SLC12A5: variants seen among roughly 807,000 people sequenced by gnomAD.
SLC12A5 encodes solute carrier family 12 member 5, also known as K-Cl cotransporter 2.
A neutral mutation model predicts 124.0 loss-of-function variants in SLC12A5; 18 were observed. The observed-to-expected ratio is 0.15, with a 90% CI of 0.10 to 0.22. The LOEUF is 0.22. Among genes scored for constraint, SLC12A5 ranks in the 10% least tolerant of loss-of-function variants. SLC12A5 has a pLI of 1.00. For synonymous variants in SLC12A5, 589 were observed against 568.0 expected (o/e 1.04, Z -0.53); for missense variants, 867 against 1,478.7 (o/e 0.59, Z 6.78).
chr20:46,048,050 C>T lies in SLC12A5; in HGVS notation c.1977C>T (p.Arg659=). The T allele has an allele frequency of 3.1e-6, 5 of 1,612,734 alleles. No homozygotes were observed. Among genetic ancestry groups the T allele is most frequent in the Non-Finnish European group, 4.2e-6 (5 of 1,179,406 alleles). ...GTGCGGCTCGCTATGCCCTCTTACG[C>T]CTGGAGGAAGGGCCCCCACACACCA... The part of the protein sequence containing the change: ...SLSAARYALL[R]LEEGPPHTKN... Residue 659 remains arginine (R), a synonymous_variant, in exon 16 of 26, where the codon CGC becomes CGT. Coordinates refer to ENST00000243964, the MANE Select transcript of SLC12A5 (RefSeq NM_020708.5).
intron 2 of SLC12A5, 29 bp downstream of exon 2, chr20:46,035,071 C>T (rs983945003): frequency 1.7e-5 from 28 of 1,604,618 alleles, no homozygotes; most frequent in Non-Finnish European, 2.3e-5. Context: ...TGGGCCCCCA[C>T]CTACAATTCA....
Position 46,040,485 on chromosome 20 carries a change from C to T in SLC12A5, c.725C>T (p.Ala242Val), listed in dbSNP as rs2084536085. Reference protein sequence around the residue: ...VYGTCVLTCMATVVFVGVKYV... With the variant: ...VYGTCVLTCMVTVVFVGVKYV... ...GGCACCTGTGTGCTCACCTGCATGG[C>T]CACTGTGGTGTTTGTGGGTGTCAAG... The change falls in exon 7 of 26, where the codon GCC becomes GTC. Residue 242 changes from alanine to valine, a missense_variant. Coordinates refer to ENST00000243964, the MANE Select transcript of SLC12A5 (RefSeq NM_020708.5). 6.2e-7 allele frequency: 1 copy of T among 1,614,122 alleles called. No individual in the cohort carries two copies. The highest frequency in any genetic ancestry group is 8.5e-7 in the Non-Finnish European group (1 of 1,180,056).
chr20:46,037,225 C>A, intron 5 of SLC12A5, 30 bp from the exon 6 acceptor site: 1 of 1,571,732 alleles, frequency 6.4e-7, no homozygotes, highest in South Asian at 1.2e-5. Flanking sequence ...TGCCCCCGAC[C>A]CTCTCGCTGA....
At position 46,047,448 on chromosome 20, in the gene SLC12A5, G is replaced by A. The variant is rs763273041; in HGVS notation, c.1788-6G>A. On this transcript the variant is annotated splice_polypyrimidine_tract_variant and splice_region_variant and intron_variant, in intron 14 of 25. Transcript: ENST00000243964. ...CTCAGAGGCTGGGTCTCCCCACCTT[G>A]TCTAGGACCCTCTCCTTCCTGGGCA... 1 of 1,613,810 alleles carries A rather than the reference G, an allele frequency of 6.2e-7. No homozygotes were observed. Among genetic ancestry groups the A allele is most frequent in the Non-Finnish European group, 8.5e-7 (1 of 1,179,762 alleles).
chr20:46,038,240 C>T (rs1370166685), intron 6 of SLC12A5: 1 of 151,798 alleles, frequency 6.6e-6, no homozygotes, highest in African/African-American at 2.4e-5. Flanking sequence ...ACTCTGTTGC[C>T]CAGGCTGGAG....
intron 14 of SLC12A5, among the ~76,000 whole-genome samples, chr20:46,047,148 C>A (rs977097389): frequency 1.3e-5 from 2 of 152,220 alleles, no homozygotes; most frequent in African/African-American, 4.8e-5. Context: ...TCCCCTGAGA[C>A]CCTGGCCTCA....
chr20:46,054,792 C>G (rs1290141081), intron 20 of SLC12A5, 124 bp from the exon 21 acceptor site: 1 of 667,676 alleles, frequency 1.5e-6, no homozygotes, highest in Non-Finnish European at 2.7e-6. Context: ...GTAGGGAAGC[C>G]CTAGGCTGCC....
intron 17 of SLC12A5, 105 bp from the exon 18 acceptor site, chr20:46,051,570 A>T: frequency 9.3e-7 from 1 of 1,077,704 alleles, no homozygotes; most frequent in Non-Finnish European, 1.4e-6. Context: ...CTTCAGGAAG[A>T]TTGGGATGAA....
At position 46,048,071 on chromosome 20, in the gene SLC12A5, C is replaced by T. The variant is rs747883930; in HGVS notation, c.1998C>T (p.His666=). 6.2e-7 allele frequency: 1 copy of T among 1,612,206 alleles called. No homozygotes were observed. The highest frequency in any genetic ancestry group is 1.7e-4 in the Middle Eastern group (1 of 6,060). The change falls in exon 16 of 26, where the codon CAC becomes CAT. Residue 666 remains histidine (H), a synonymous_variant. Transcript: ENST00000243964. ...ALLRLEEGPP[H]TKNWRPQLLV... ...TACGCCTGGAGGAAGGGCCCCCACACACCAAGAACTGGAGGTTAGTGGTGA... is the reference window on the plus strand; with the variant it reads ...TACGCCTGGAGGAAGGGCCCCCACATACCAAGAACTGGAGGTTAGTGGTGA...
intron 3 of SLC12A5, 109 bp from the exon 4 acceptor site, chr20:46,035,668 G>T: frequency 1.3e-6 from 2 of 1,511,804 alleles, no homozygotes; most frequent in South Asian, 1.3e-5. Flanking sequence ...ATGAAGGGTT[G>T]AGAATAGAGA....
rs904800786 is a variant in SLC12A5 at position 46,036,683 on chromosome 20, A to G, written c.427-58A>G. On this transcript the variant is annotated intron_variant, in intron 4 of 25. Coordinates refer to ENST00000243964, the MANE Select transcript of SLC12A5 (RefSeq NM_020708.5). ...TTATGGGGTATAAGGCTTGGCCCCC[A>G]CCCAGGCCACTGCGGCCCCTACCCC... is the stretch of plus-strand genomic sequence containing the variant. The G allele has an allele frequency of 6.9e-6, 11 of 1,595,830 alleles. No homozygotes were observed. In the African/African-American group the frequency reaches 1.3e-4, roughly 19 times the overall value.
Position 46,057,553 on chromosome 20 carries a change from G to A in SLC12A5, c.3299G>A (p.Arg1100Gln). The A allele has an allele frequency of 6.2e-7, 1 of 1,614,124 alleles. No homozygotes were observed. The highest frequency in any genetic ancestry group is 8.5e-7 in the Non-Finnish European group (1 of 1,180,008). Residue 1100 changes from arginine (R) to glutamine (Q), a missense_variant, in exon 26 of 26, where the codon CGG becomes CAG. Coordinates refer to ENST00000243964, the MANE Select transcript of SLC12A5 (RefSeq NM_020708.5). This position sits in a 1 kb window ranked among gnomAD's most constrained non-coding sequence, Gnocchi z 7.1. ...GAGGTCCTCACAGAGCACCTGGACC[G>A]GGTGATGCTGGTCCGCGGCGGCGGC... The part of the protein sequence containing the change: ...FLEVLTEHLD[R>Q]VMLVRGGGRE...
chr20:46,056,346 C>A lies in SLC12A5; in HGVS notation c.2911-19C>A, dbSNP rs202150692. 3 of 1,608,014 alleles carry A rather than the reference C, an allele frequency of 1.9e-6. No homozygotes were observed. The highest frequency in any genetic ancestry group is 2.6e-6 in the Non-Finnish European group (3 of 1,176,432). On this transcript the variant is annotated intron_variant, in intron 22 of 25. Coordinates refer to ENST00000243964, the MANE Select transcript of SLC12A5 (RefSeq NM_020708.5). This position sits in a 1 kb window ranked among gnomAD's most constrained non-coding sequence, Gnocchi z 4.3. ...GGCCTCCAAAGGACTCAACTGCCAT[C>A]GCTTCATTCATCCCTCAGGTGCAGC...
rs764791575 is a variant in SLC12A5 at position 46,051,752 on chromosome 20, C to T, written c.2259C>T (p.Gly753=). The part of the protein sequence containing the change: ...QVVISSNLRD[G]VSHLIQSGGL... ...TGATCTCCTCCAACTTGCGTGATGG[C>T]GTGTCCCATCTGATCCAGTCCGGGG... is the stretch of plus-strand genomic sequence containing the variant. Residue 753 remains glycine, a synonymous_variant, in exon 18 of 26, where the codon GGC becomes GGT. Coordinates refer to ENST00000243964, the MANE Select transcript of SLC12A5 (RefSeq NM_020708.5). 2.5e-6 allele frequency: 4 copies of T among 1,611,110 alleles called. No individual in the cohort carries two copies. The highest frequency in any genetic ancestry group is 2.2e-5 in the South Asian group (2 of 90,596).
chr20:46,035,193 C>G, intron 2 of SLC12A5, 151 bp downstream of exon 2: 1 of 1,015,884 alleles, frequency 9.8e-7, no homozygotes, highest in Middle Eastern at 2.7e-4. Context: ...CCCTCCTTCT[C>G]CCTCCTGGGA....
At chr20:46,040,814 A>G in intron 7 of SLC12A5, 200 bp downstream of exon 7, 2 of 750,534 alleles carry the variant, frequency 2.7e-6, no homozygotes, top group Non-Finnish European at 4.2e-6. Flanking sequence ...GGAGGAGGGA[A>G]CAATTTACCT....
chr20:46,048,921 G>A (rs1352490993), intron 16 of SLC12A5, among the ~76,000 whole-genome samples: 1 of 151,312 alleles, frequency 6.6e-6, no homozygotes, highest in African/African-American at 2.4e-5. Context: ...GGTCACAGAA[G>A]GCAGACCTGG....
intron 6 of SLC12A5, among the ~76,000 whole-genome samples, chr20:46,039,561 G>C (rs558280468): frequency 2.3e-4 from 35 of 152,170 alleles, no homozygotes; most frequent in Middle Eastern, 3.4e-3. Context: ...GATCACCTGA[G>C]GTCAGGAGTT....
chr20:46,021,768 G>T (rs1340357715), upstream of SLC12A5: 2 of 1,533,848 alleles, frequency 1.3e-6, no homozygotes, highest in South Asian at 2.4e-5. Flanking sequence ...TCCGCGCCAT[G>T]AGCCGCAGGT....
Sources: gnomAD v4.1 joint callset for allele counts (sites outside exome capture counted in the v4.1 genomes callset) on GRCh38, gnomAD v4.1.1 for gene constraint, Gnocchi (gnomAD v3.1) non-coding constraint, MANE v1.5 for transcripts, NCBI Gene and HGNC (gene_info 2026-07-23, HGNC 2026-07-21) for gene names.